ST7L: variants seen among roughly 807,000 people sequenced by gnomAD.
The protein encoded by ST7L is suppressor of tumorigenicity 7 protein-like.
A neutral mutation model predicts 72.5 loss-of-function variants in ST7L; 57 were observed. That is an observed-to-expected ratio of 0.79 (90% CI 0.64 to 0.98). ST7L has a LOEUF of 0.98. Among genes scored for constraint, ST7L ranks in the 50% least tolerant of loss-of-function variants. The pLI, the probability that ST7L is intolerant of heterozygous loss-of-function variation, is 0.00. For synonymous variants in ST7L, 221 were observed against 240.9 expected (o/e 0.92, Z 0.77); for missense variants, 576 against 672.2 (o/e 0.86, Z 1.58).
chr1:112,613,507 T>G (rs1265598062), intron 2 of ST7L, among the ~76,000 whole-genome samples: 1 of 152,190 alleles, frequency 6.6e-6, no homozygotes, highest in Non-Finnish European at 1.5e-5. Flanking sequence ...CATAAATATA[T>G]CTCTTTATAC....
At chr1:112,574,075 C>A (rs552931076) in intron 11 of ST7L, among the ~76,000 whole-genome samples, 1 of 149,424 alleles carries the variant, frequency 6.7e-6, no homozygotes, top group African/African-American at 2.5e-5. Flanking sequence ...CCACCACACC[C>A]GGTTAATTTT....
In ST7L at chr1:112,610,849, TTC is replaced by T; in HGVS notation, c.441_442del (p.Asn148PhefsTer5). On this transcript the variant is annotated frameshift_variant, in exon 3 of 15. Transcript: ENST00000358039. LOFTEE classifies it high-confidence loss of function. ...ATTAGAAAAGTAGTCACCTGACAAATTCTGTCTGCTGGTTTCATTTTCTCTGT... is the reference window on the plus strand; with the variant it reads ...ATTAGAAAAGTAGTCACCTGACAAATTGTCTGCTGGTTTCATTTTCTCTGT... The T allele has an allele frequency of 6.2e-6, 10 of 1,613,814 alleles. No homozygotes were observed. Among genetic ancestry groups the T allele is most frequent in the Non-Finnish European group, 8.5e-6 (10 of 1,179,932 alleles).
intron 10 of ST7L, 129 bp from the exon 11 acceptor site, chr1:112,577,217 A>C: frequency 2.1e-6 from 1 of 480,840 alleles, no homozygotes; most frequent in Non-Finnish European, 3.5e-6. Flanking sequence ...AAGCCAGAGG[A>C]CTAACAAAAA....
chr1:112,601,148 G>C (rs1667320117), intron 3 of ST7L, among the ~76,000 whole-genome samples: 2 of 152,046 alleles, frequency 1.3e-5, no homozygotes, highest in Non-Finnish European at 2.9e-5. Context: ...TCTATTCCTA[G>C]AACCAAGCAC....
chr1:112,519,872 C>CTTCTTTTTTTTTTTTTTT (rs10634267), downstream of ST7L, among the ~76,000 whole-genome samples: 1 of 115,648 alleles, frequency 8.6e-6, no homozygotes, highest in East Asian at 2.6e-4. Flanking sequence ...GCCCATGCTT[C>CTTCTTTTTTTTTTTTTTT]TTTTTTTTTT....
At chr1:112,521,076 TA>T, downstream of ST7L, 1 of 153,982 alleles carries the variant, frequency 6.5e-6, no homozygotes. Flanking sequence ...CATATGTTTA[TA>T]AACTGTGTTT....
At chr1:112,540,177 T>C in intron 14 of ST7L, 1 of 985,342 alleles carries the variant, frequency 1.0e-6, no homozygotes, top group Non-Finnish European at 1.2e-6. Flanking sequence ...ATAGATCTAT[T>C]CCAGATTCTA....
At position 112,578,404 on chromosome 1, in the gene ST7L, T is replaced by C. The variant is rs1663493768; in HGVS notation, c.1083A>G (p.Pro361=). The change falls in exon 10 of 15, where the codon CCA becomes CCG. Residue 361 remains proline, a synonymous_variant. Transcript: ENST00000358039. The part of the protein sequence containing the change: ...VLAKYDDISL[P]KSAAICYTAA... Reference sequence around the variant, plus strand: ...CTGTGTAACAGATTGCTGCTGACTTTGGAAGGCTTATATCTGTAACGATAA... The same window carrying C: ...CTGTGTAACAGATTGCTGCTGACTTCGGAAGGCTTATATCTGTAACGATAA... 1 of 1,614,142 alleles carries C rather than the reference T, an allele frequency of 6.2e-7. No individual in the cohort carries two copies. Among genetic ancestry groups the C allele is most frequent in the Admixed American group, 1.7e-5 (1 of 60,034 alleles).
intron 14 of ST7L, among the ~76,000 whole-genome samples, chr1:112,534,884 G>A (rs1267241771): frequency 6.6e-6 from 1 of 152,090 alleles, no homozygotes; most frequent in Non-Finnish European, 1.5e-5. Flanking sequence ...TTAGTGACAT[G>A]ATGTCCTAAA....
At position 112,577,041 on chromosome 1, in the gene ST7L, A is replaced by G. The variant is rs775060669; in HGVS notation, c.1190T>C (p.Ile397Thr). The stretch of plus-strand genomic sequence containing the variant: ...TCTATGAATTGCTTCCACGGCATTA[A>G]TTTCTGCTGTGCTTAATCCTCTTCT... ...ASRRGLSTAE[I>T]NAVEAIHRAV... Residue 397 changes from isoleucine (I) to threonine (T), a missense_variant, in exon 11 of 15, where the codon ATT becomes ACT. Coordinates refer to ENST00000358039, the MANE Select transcript of ST7L (RefSeq NM_017744.5). 5 of 1,611,152 alleles carry G rather than the reference A, an allele frequency of 3.1e-6. No homozygotes were observed. Among genetic ancestry groups the G allele is most frequent in the Non-Finnish European group, 4.2e-6 (5 of 1,178,194 alleles).
At chr1:112,574,852 C>T (rs1444194641) in intron 11 of ST7L, among the ~76,000 whole-genome samples, 1 of 152,008 alleles carries the variant, frequency 6.6e-6, no homozygotes, top group Middle Eastern at 3.2e-3. Context: ...TTCTTGATCT[C>T]GATAGTTTTC....
intron 11 of ST7L, among the ~76,000 whole-genome samples, chr1:112,561,967 A>C (rs889463625): frequency 2.1e-5 from 3 of 140,744 alleles, no homozygotes; most frequent in Non-Finnish European, 4.7e-5. Flanking sequence ...CTAAAACTTT[A>C]CTTTTTTTTT....
intron 9 of ST7L, 77 bp from the exon 10 acceptor site, chr1:112,578,494 G>A (rs1047461592): frequency 5.4e-6 from 7 of 1,298,406 alleles, no homozygotes; most frequent in African/African-American, 1.5e-5. Flanking sequence ...AATAATTCAC[G>A]GCCAGGCATG....
chr1:112,616,142 C>A (rs1227902909), intron 2 of ST7L, among the ~76,000 whole-genome samples: 1 of 152,148 alleles, frequency 6.6e-6, no homozygotes, highest in African/African-American at 2.4e-5. Context: ...AAGGGGCATG[C>A]ACTGTCCAGG....
rs142651349 is a variant in ST7L at position 112,577,590 on chromosome 1, AG to A, written c.1143-503del. Among the ~76,000 whole-genome samples, 199 of 152,034 alleles carry A rather than the reference AG, an allele frequency of 1.3e-3. 5 individuals carry two copies. In the East Asian group the frequency reaches 0.037, roughly 28 times the overall value. ...TGTGGGTTCAACATAGAAAAAACAA[AG>A]CAGCATAAGGAATGAAAGTCTTCAA... is the stretch of plus-strand genomic sequence containing the variant. On this transcript the variant is annotated intron_variant, in intron 10 of 14. Coordinates refer to ENST00000358039, the MANE Select transcript of ST7L (RefSeq NM_017744.5).
At chr1:112,587,608 C>T (rs1477281831) in intron 6 of ST7L, among the ~76,000 whole-genome samples, 1 of 152,110 alleles carries the variant, frequency 6.6e-6, no homozygotes, top group Non-Finnish European at 1.5e-5. Context: ...TGTCTCAGAA[C>T]AAAACAAAAC....
intron 14 of ST7L, among the ~76,000 whole-genome samples, chr1:112,534,579 AG>A (rs1455993100): frequency 6.6e-6 from 1 of 152,222 alleles, no homozygotes; most frequent in East Asian, 1.9e-4. Flanking sequence ...TTTGATTGGT[AG>A]GGGAAGGGAG....
chr1:112,619,015 C>T lies in ST7L; in HGVS notation c.99G>A (p.Leu33=), dbSNP rs750112064. The change falls in exon 1 of 15, where the codon CTG becomes CTA. Residue 33 remains leucine (L), a synonymous_variant. Transcript: ENST00000358039. ...CCCCAGTCCCCGCCAGCCCGGCCCG[C>T]AGTCGCTCCCTCCAGCCTAGCGTCG... The part of the protein sequence containing the change: ...LNPTLGWRER[L]RAGLAGTGAS... 2.5e-6 allele frequency: 4 copies of T among 1,613,590 alleles called. No individual in the cohort carries two copies. The East Asian group carries it at 8.9e-5, about 36-fold the overall frequency.
chr1:112,582,670 T>C (rs1284302949), intron 7 of ST7L, among the ~76,000 whole-genome samples, 198 bp from the exon 8 acceptor site: 1 of 152,168 alleles, frequency 6.6e-6, no homozygotes, highest in Non-Finnish European at 1.5e-5. Context: ...TTTTTGCGCA[T>C]GTTTCAAGTT....
Sources: gnomAD v4.1 joint callset for allele counts (sites outside exome capture counted in the v4.1 genomes callset) on GRCh38, gnomAD v4.1.1 for gene constraint, MANE v1.5 for transcripts, NCBI Gene and HGNC (gene_info 2026-07-23, HGNC 2026-07-21) for gene names.